The following MAD1L1 variants were observed in gnomAD, a reference collection of about 807,000 sequenced individuals.
MAD1L1 encodes mitotic arrest deficient 1 like 1.
MAD1L1 carries 95 observed loss-of-function variants against 96.9 expected under a neutral mutation model. The ratio of observed to expected loss-of-function variants is 0.98; its 90% CI spans 0.83 to 1.16. The LOEUF (loss-of-function observed/expected upper bound fraction) is 1.16. MAD1L1 is among the 50% of genes most tolerant of loss of function. The probability of loss-of-function intolerance (pLI) is 0.00; values close to 1 mark genes in which losing one functional copy is unlikely to be tolerated. For synonymous variants in MAD1L1, 473 were observed against 396.6 expected (o/e 1.19, Z -2.29); for missense variants, 1,007 against 954.4 (o/e 1.06, Z -0.73).
At chr7:2,055,249 G>T (rs935342540) in intron 12 of MAD1L1, among the ~76,000 whole-genome samples, 3 of 152,214 alleles carry the variant, frequency 2.0e-5, no homozygotes, top group Non-Finnish European at 4.4e-5. Context: ...GAGGCAGACA[G>T]TGAGGACAGC....
At chr7:1,996,599 A>C (rs1026794304) in intron 14 of MAD1L1, among the ~76,000 whole-genome samples, 1 of 152,090 alleles carries the variant, frequency 6.6e-6, no homozygotes, top group Non-Finnish European at 1.5e-5. Flanking sequence ...CACCCTTCCC[A>C]TTTCAGAGAT....
chr7:2,208,631 T>C (rs1015029150), intron 10 of MAD1L1, among the ~76,000 whole-genome samples: 1 of 152,190 alleles, frequency 6.6e-6, no homozygotes, highest in Non-Finnish European at 1.5e-5. Flanking sequence ...GGTTGTGCTG[T>C]TCGCCTACAG....
chr7:2,176,557 T>C (rs760741654), intron 10 of MAD1L1, among the ~76,000 whole-genome samples: 3 of 151,720 alleles, frequency 2.0e-5, no homozygotes, highest in Non-Finnish European at 4.4e-5. Flanking sequence ...ACTATTTTTA[T>C]ACAAAAAAAG....
intron 18 of MAD1L1, among the ~76,000 whole-genome samples, chr7:1,828,065 A>C (rs559035413): frequency 6.6e-6 from 1 of 151,984 alleles, no homozygotes; most frequent in South Asian, 2.1e-4. Context: ...CCCGGGGCCC[A>C]TCAGTTTGTC....
At chr7:1,996,201 G>C (rs112869977) in intron 14 of MAD1L1, among the ~76,000 whole-genome samples, 3 of 147,554 alleles carry the variant, frequency 2.0e-5, no homozygotes, top group East Asian at 2.0e-4. Flanking sequence ...GGGTCCCCCC[G>C]GGTCTACACA....
chr7:2,178,068 G>A (rs1791027657), intron 10 of MAD1L1, among the ~76,000 whole-genome samples: 1 of 152,196 alleles, frequency 6.6e-6, no homozygotes, highest in South Asian at 2.1e-4. Flanking sequence ...ACTGAAGAGG[G>A]AAGTTTTACT....
chr7:2,199,904 G>A (rs1280990893), intron 10 of MAD1L1, among the ~76,000 whole-genome samples: 1 of 152,272 alleles, frequency 6.6e-6, no homozygotes, highest in Non-Finnish European at 1.5e-5. Context: ...CCCCAGCTTA[G>A]GGCAGACAGT....
intron 10 of MAD1L1, among the ~76,000 whole-genome samples, chr7:2,161,637 C>A (rs560210110): frequency 6.6e-6 from 1 of 151,722 alleles, no homozygotes; most frequent in African/African-American, 2.4e-5. Context: ...TCTTCCCGGC[C>A]GACATCCCGT....
At chr7:1,993,497 G>A (rs1373339669) in intron 14 of MAD1L1, among the ~76,000 whole-genome samples, 1 of 152,204 alleles carries the variant, frequency 6.6e-6, no homozygotes, top group Non-Finnish European at 1.5e-5. Flanking sequence ...ACACTCTGAG[G>A]CTCTGCTAGC....
intron 10 of MAD1L1, among the ~76,000 whole-genome samples, chr7:2,158,508 G>C (rs1031760076): frequency 6.6e-6 from 1 of 152,370 alleles, no homozygotes; most frequent in East Asian, 1.9e-4. Context: ...CCCTGCGGAA[G>C]GCAGGGAACA....
At chr7:2,194,812 A>C (rs1385595199) in intron 10 of MAD1L1, among the ~76,000 whole-genome samples, 2 of 152,140 alleles carry the variant, frequency 1.3e-5, no homozygotes, top group Non-Finnish European at 1.5e-5. Flanking sequence ...AGTGGCTCAT[A>C]CTGATAATCC....
Position 2,149,191 on chromosome 7 carries a change from T to A in MAD1L1, c.1034A>T (p.Glu345Val), listed in dbSNP as rs1421904413. 2 of 1,613,938 alleles carry A rather than the reference T, an allele frequency of 1.2e-6. No individual in the cohort carries two copies. Among genetic ancestry groups the A allele is most frequent in the Non-Finnish European group, 1.7e-6 (2 of 1,180,020 alleles). The change falls in exon 11 of 19, where the codon GAG becomes GTG. Residue 345 changes from glutamate (E) to valine (V), a missense_variant. Physicochemically the swap from Glu to Val is moderately radical, Grantham distance 121 (BLOSUM62 -2). Coordinates refer to ENST00000265854, the MANE Select transcript of MAD1L1 (RefSeq NM_001013836.2). ...GCTGTTCTTGTCCTTCAAGGCAAGC[T>A]CCCTCTGCTGCAGCTCAACCACGAA... is the stretch of plus-strand genomic sequence containing the variant. ...SRFVVELQQR[E>V]LALKDKNSAV...
chr7:1,852,865 C>G (rs757161214), intron 18 of MAD1L1, among the ~76,000 whole-genome samples: 31 of 152,200 alleles, frequency 2.0e-4, no homozygotes, highest in Non-Finnish European at 2.5e-4. Context: ...GCCGCACGTG[C>G]TGAGCCTGGA....
At chr7:2,134,382 T>G (rs190345079) in intron 11 of MAD1L1, among the ~76,000 whole-genome samples, 1 of 152,342 alleles carries the variant, frequency 6.6e-6, no homozygotes, top group East Asian at 1.9e-4. Context: ...CAAGTTCTTT[T>G]GTTAGTTCTC....
intron 12 of MAD1L1, among the ~76,000 whole-genome samples, chr7:2,060,485 C>T (rs575784726): frequency 4.6e-5 from 7 of 151,128 alleles, no homozygotes; most frequent in Middle Eastern, 3.4e-3. Context: ...ATGCCAATAT[C>T]GAGATAATGC....
At chr7:2,116,110 AG>A (rs2128558682) in intron 11 of MAD1L1, among the ~76,000 whole-genome samples, 1 of 152,350 alleles carries the variant, frequency 6.6e-6, no homozygotes, top group South Asian at 2.1e-4. Flanking sequence ...AAAAAGCTGA[AG>A]GGCGTGAGCA....
At chr7:1,909,128 C>T (rs565965897) in intron 17 of MAD1L1, among the ~76,000 whole-genome samples, 7 of 152,328 alleles carry the variant, frequency 4.6e-5, no homozygotes, top group Admixed American at 2.6e-4. Context: ...CCGACACCGG[C>T]GTGGTGTACT....
At chr7:1,953,172 G>A (rs1221799661) in intron 16 of MAD1L1, among the ~76,000 whole-genome samples, 4 of 152,220 alleles carry the variant, frequency 2.6e-5, no homozygotes, top group African/African-American at 9.6e-5. Flanking sequence ...ACACGGACCA[G>A]GGATGTGAGG....
intron 11 of MAD1L1, among the ~76,000 whole-genome samples, chr7:2,115,563 C>T (rs1170848251): frequency 2.0e-5 from 3 of 151,466 alleles, no homozygotes; most frequent in Non-Finnish European, 4.4e-5. Flanking sequence ...GGACAGGGTC[C>T]CCGTGTGTTC....
Sources: gnomAD v4.1 joint callset for allele counts (sites outside exome capture counted in the v4.1 genomes callset) on GRCh38, gnomAD v4.1.1 for gene constraint, MANE v1.5 for transcripts, NCBI Gene and HGNC (gene_info 2026-07-23, HGNC 2026-07-21) for gene names.